MALRD1: variants seen among roughly 807,000 people sequenced by gnomAD.
MALRD1 encodes the protein MAM and LDL-receptor class A domain-containing protein 1.
Under a neutral mutation model 242.1 loss-of-function variants are expected in MALRD1, and 247 were observed. The ratio of observed to expected loss-of-function variants is 1.02; its 90% CI spans 0.92 to 1.13. The LOEUF (loss-of-function observed/expected upper bound fraction) is 1.13. Ranked by LOEUF, MALRD1 falls within the 50% of genes most tolerant of loss-of-function variation. MALRD1 has a pLI of 0.00. For missense variants in MALRD1, 2,989 were observed against 2,533.1 expected (o/e 1.18, Z -3.86); for synonymous variants, 995 against 866.6 (o/e 1.15, Z -2.60).
At chr10:19,461,319 G>A (rs1345259417) in intron 29 of MALRD1, among the ~76,000 whole-genome samples, 2 of 152,106 alleles carry the variant, frequency 1.3e-5, no homozygotes, top group Admixed American at 1.3e-4. Context: ...TAAAAGGTCA[G>A]GAAGGAGTTC....
intron 2 of MALRD1, among the ~76,000 whole-genome samples, chr10:19,069,233 T>G (rs2131250241): frequency 6.6e-6 from 1 of 152,152 alleles, no homozygotes. Flanking sequence ...TTAAAATCAG[T>G]TTTAAATGAG....
intron 26 of MALRD1, among the ~76,000 whole-genome samples, chr10:19,354,521 C>T (rs1049881653): frequency 6.6e-6 from 1 of 152,042 alleles, no homozygotes; most frequent in African/African-American, 2.4e-5. Context: ...CTTTATCTCC[C>T]CATCCCCACT....
rs151266590 is a variant in MALRD1, at chr10:19,422,961, C to G, written c.4846-27346C>G. Among the ~76,000 whole-genome samples, 536 of 152,292 alleles carry G rather than the reference C, an allele frequency of 3.5e-3. 2 individuals carry two copies. Among genetic ancestry groups the G allele is most frequent in the African/African-American group, 0.012 (512 of 41,568 alleles). Reference sequence around the variant, plus strand: ...AGGCTCTGGTATCTCTTGTACTGCTCATATCTACTGTTCTCCTACGAAGCG... The same window carrying G: ...AGGCTCTGGTATCTCTTGTACTGCTGATATCTACTGTTCTCCTACGAAGCG... On this transcript the variant is annotated intron_variant, in intron 28 of 39. Transcript: ENST00000454679.
intron 18 of MALRD1, among the ~76,000 whole-genome samples, chr10:19,239,328 C>G (rs968569286): frequency 1.2e-4 from 18 of 151,904 alleles, no homozygotes; most frequent in African/African-American, 4.4e-4. Flanking sequence ...CCAGTTTTGC[C>G]CATTTTTAAA....
At chr10:19,490,507 G>C (rs12765402) in intron 29 of MALRD1, among the ~76,000 whole-genome samples, 1 of 20,100 alleles carries the variant, frequency 5.0e-5, no homozygotes, top group South Asian at 3.7e-3. Flanking sequence ...CAAGTGGGGC[G>C]GGGGGGGGGC....
intron 18 of MALRD1, among the ~76,000 whole-genome samples, chr10:19,225,959 C>A (rs1159779243): frequency 6.6e-6 from 1 of 152,084 alleles, no homozygotes; most frequent in Non-Finnish European, 1.5e-5. Context: ...CCTCTGTAAC[C>A]GTTGGTGTTA....
chr10:19,064,046 G>A (rs1413617556), intron 1 of MALRD1, among the ~76,000 whole-genome samples: 3 of 152,182 alleles, frequency 2.0e-5, no homozygotes, highest in Admixed American at 6.5e-5. Context: ...TCTATAATGA[G>A]AGAATCTGAC....
chr10:19,603,135 C>A (rs1038741449), intron 34 of MALRD1, among the ~76,000 whole-genome samples: 9 of 151,978 alleles, frequency 5.9e-5, no homozygotes, highest in African/African-American at 2.2e-4. Flanking sequence ...TTCTCCCATT[C>A]TGTAGGTTGC....
intron 36 of MALRD1, among the ~76,000 whole-genome samples, chr10:19,674,115 T>C (rs893604147): frequency 6.6e-6 from 1 of 152,072 alleles, no homozygotes; most frequent in African/African-American, 2.4e-5. Flanking sequence ...AAGCGCAAGA[T>C]AGTCTAAGAT....
intron 33 of MALRD1, among the ~76,000 whole-genome samples, chr10:19,585,921 G>A (rs1479122752): frequency 1.2e-4 from 18 of 152,034 alleles, no homozygotes; most frequent in South Asian, 6.2e-4. Flanking sequence ...GGCTTTGCTC[G>A]TTTCTTTTTA....
intron 26 of MALRD1, among the ~76,000 whole-genome samples, chr10:19,381,372 G>A (rs927951061): frequency 2.0e-5 from 3 of 151,786 alleles, no homozygotes; most frequent in African/African-American, 4.8e-5. Context: ...ATAAACATAC[G>A]TGTGCATGTG....
chr10:19,413,899 C>T (rs189537192), intron 28 of MALRD1, among the ~76,000 whole-genome samples: 5 of 150,742 alleles, frequency 3.3e-5, no homozygotes, highest in East Asian at 3.9e-4. Context: ...TGCAGTGAGC[C>T]GAGATCGCAC....
At chr10:19,094,973 A>AT (rs1210031728) in intron 4 of MALRD1, among the ~76,000 whole-genome samples, 1 of 152,192 alleles carries the variant, frequency 6.6e-6, no homozygotes, top group Non-Finnish European at 1.5e-5. Flanking sequence ...TAAACATGAG[A>AT]TTTTAAAGCA....
chr10:19,064,508 C>CTT lies in MALRD1; in HGVS notation c.200-2201_200-2200dup, dbSNP rs569891101. Among the ~76,000 whole-genome samples, 335 of 142,302 alleles carry CTT rather than the reference C, an allele frequency of 2.4e-3. 2 individuals carry two copies. Among genetic ancestry groups the CTT allele is most frequent in the African/African-American group, 8.0e-3 (310 of 38,992 alleles). 93.4% of individuals were successfully genotyped at this position (142,302 alleles called of 152,430 possible). A position where few individuals can be genotyped will look rare whatever the true frequency, so the allele number is the denominator to read the frequency against. ...GGCAGTTATTAGAAGTTCAGGATTG[C>CTT]TTTTTTTTTTTGGTAAGAATTAATT... is the stretch of plus-strand genomic sequence containing the variant. On this transcript the variant is annotated intron_variant, in intron 1 of 39. Transcript: ENST00000454679.
At chr10:19,242,051 G>T (rs1838808810) in intron 18 of MALRD1, among the ~76,000 whole-genome samples, 3 of 152,096 alleles carry the variant, frequency 2.0e-5, no homozygotes, top group Non-Finnish European at 4.4e-5. Context: ...TGATGTATTA[G>T]TCTGTTTTCA....
At chr10:19,059,898 G>A (rs1290087694) in intron 1 of MALRD1, among the ~76,000 whole-genome samples, 1 of 152,062 alleles carries the variant, frequency 6.6e-6, no homozygotes, top group African/African-American at 2.4e-5. Context: ...TGTTGTTGTT[G>A]TTGTTTTTGC....
chr10:19,355,470 G>C (rs977480233), intron 26 of MALRD1, among the ~76,000 whole-genome samples: 3 of 151,550 alleles, frequency 2.0e-5, no homozygotes, highest in African/African-American at 7.3e-5. Context: ...TATAAAGTAT[G>C]ATAACTTGTG....
chr10:19,476,474 C>G (rs1746215530), intron 29 of MALRD1, among the ~76,000 whole-genome samples: 1 of 152,142 alleles, frequency 6.6e-6, no homozygotes, highest in Non-Finnish European at 1.5e-5. Context: ...GACATACTCC[C>G]TGTTCCAGAT....
intron 36 of MALRD1, among the ~76,000 whole-genome samples, chr10:19,675,010 C>A (rs919302839): frequency 4.0e-5 from 6 of 151,892 alleles, no homozygotes; most frequent in African/African-American, 7.3e-5. Flanking sequence ...TAACATCATG[C>A]CATCAACCTG....
Sources: allele counts gnomAD v4.1 joint callset (sites outside exome capture counted in the v4.1 genomes callset), GRCh38; gene constraint gnomAD v4.1.1; transcripts MANE v1.5; gene names NCBI Gene and HGNC (gene_info 2026-07-23, HGNC 2026-07-21).